Variants in ANKRD29 observed in about 807,000 individuals in gnomAD.
The protein encoded by ANKRD29 is ankyrin repeat domain 29.
In ANKRD29, 32 loss-of-function variants were observed where a neutral mutation model predicts 38.0. That is an observed-to-expected ratio of 0.84 (90% CI 0.64 to 1.13). The LOEUF is 1.13. ANKRD29 is among the 50% of genes most tolerant of loss of function. The pLI, the probability that ANKRD29 is intolerant of heterozygous loss-of-function variation, is 0.00. For synonymous variants in ANKRD29, 135 were observed against 152.4 expected, an observed-to-expected ratio of 0.89 and a Z score of 0.84; for missense variants, 357 against 377.9, an observed-to-expected ratio of 0.94 and a Z score of 0.46.
At position 23,601,329 on chromosome 18, in the gene ANKRD29, G is replaced by C; in HGVS notation, c.823-20C>G. 1 of 1,608,118 alleles carries C rather than the reference G, an allele frequency of 6.2e-7. No individual in the cohort carries two copies. Among genetic ancestry groups the C allele is most frequent in the East Asian group, 2.2e-5 (1 of 44,844 alleles). Reference sequence around the variant, plus strand: ...ATTGGCCTGAAAGAAGAGAAGATGGGCATTAGTGAATCCCCATAGCTGGTG... The same window carrying C: ...ATTGGCCTGAAAGAAGAGAAGATGGCCATTAGTGAATCCCCATAGCTGGTG... On this transcript the variant is annotated intron_variant, in intron 9 of 9. Coordinates refer to ENST00000592179, the MANE Select transcript of ANKRD29 (RefSeq NM_173505.4).
intron 6 of ANKRD29, 65 bp downstream of exon 6, chr18:23,629,788 C>T (rs2059906067): frequency 5.3e-6 from 7 of 1,331,804 alleles, no homozygotes; most frequent in Admixed American, 1.9e-5. Context: ...GTGCTGCCAG[C>T]GGACACCCAG....
At chr18:23,624,293 T>A (rs1048208153) in intron 6 of ANKRD29, among the ~76,000 whole-genome samples, 2 of 151,184 alleles carry the variant, frequency 1.3e-5, no homozygotes, top group South Asian at 2.1e-4. Flanking sequence ...ATGGCAAAAC[T>A]CTGTCTCAAC....
chr18:23,615,824 A>G (rs1488699244), intron 8 of ANKRD29, among the ~76,000 whole-genome samples: 1 of 151,086 alleles, frequency 6.6e-6, no homozygotes, highest in Non-Finnish European at 1.5e-5. Context: ...GGTAACAGTA[A>G]TATTCACTAA....
At chr18:23,625,839 T>G (rs370872260) in intron 6 of ANKRD29, among the ~76,000 whole-genome samples, 58 of 152,250 alleles carry the variant, frequency 3.8e-4, no homozygotes, top group Middle Eastern at 3.4e-3. Flanking sequence ...AAAATCTGGG[T>G]CTGCTCCCTA....
chr18:23,614,728 G>C (rs1198366385), intron 8 of ANKRD29, among the ~76,000 whole-genome samples: 1 of 151,744 alleles, frequency 6.6e-6, no homozygotes, highest in Admixed American at 6.6e-5. Context: ...ATTAGGGCAG[G>C]GGAGAGAGGC....
chr18:23,643,400 T>G (rs2060101930), intron 3 of ANKRD29, among the ~76,000 whole-genome samples: 1 of 152,210 alleles, frequency 6.6e-6, no homozygotes, highest in Non-Finnish European at 1.5e-5. Flanking sequence ...ATAGGAAAAC[T>G]CTCACCTTCT....
At chr18:23,603,606 CTGAG>C (rs893755565) in intron 9 of ANKRD29, among the ~76,000 whole-genome samples, 3 of 152,192 alleles carry the variant, frequency 2.0e-5, no homozygotes, top group African/African-American at 7.2e-5. Context: ...GCACTCCAGC[CTGAG>C]TGATAGTGAG....
intron 6 of ANKRD29, among the ~76,000 whole-genome samples, chr18:23,623,952 A>AT (rs1028473692): frequency 6.6e-6 from 1 of 151,800 alleles, no homozygotes; most frequent in African/African-American, 2.4e-5. Context: ...GATTTTATAT[A>AT]TTTTTTTAAA....
intron 8 of ANKRD29, among the ~76,000 whole-genome samples, chr18:23,612,898 G>A (rs1374853291): frequency 6.6e-6 from 1 of 152,116 alleles, no homozygotes; most frequent in Non-Finnish European, 1.5e-5. Flanking sequence ...AGAACAGTGG[G>A]CAGTCATAAG....
intron 9 of ANKRD29, among the ~76,000 whole-genome samples, chr18:23,609,740 G>A (rs1019816217): frequency 2.6e-5 from 4 of 152,136 alleles, no homozygotes; most frequent in African/African-American, 9.7e-5. Context: ...CTTAATTCAG[G>A]ACTGGATAGC....
chr18:23,600,261 T>C lies in ANKRD29; in HGVS notation c.*965A>G, dbSNP rs2059495750. On this transcript the variant is annotated 3_prime_UTR_variant, in exon 10 of 10. Coordinates refer to ENST00000592179, the MANE Select transcript of ANKRD29 (RefSeq NM_173505.4). ...AGTGCTAATAACAGTCTTTTATTAT[T>C]TATATTCCTGCAATAGTAATAGCAA... The C allele has an allele frequency of 6.6e-6, 1 of 152,314 alleles. No individual in the cohort carries two copies. Among genetic ancestry groups the C allele is most frequent in the Admixed American group, 6.5e-5 (1 of 15,276 alleles). The allele number at this position is 152,314 out of a possible 1,614,324, so 9.4% of individuals were successfully genotyped here.
rs151066474 is a variant in ANKRD29, at chr18:23,626,352, C to G, written c.528+3501G>C. On this transcript the variant is annotated intron_variant, in intron 6 of 9. Transcript: ENST00000592179. ...CTGACTAACCTCAGCTCTGGGTTAA[C>G]AGGATCAGACCTTTGCATTCTATTA... is the stretch of plus-strand genomic sequence containing the variant. 4.6e-5 allele frequency among the ~76,000 whole-genome samples: 7 copies of G among 152,324 alleles called. No individual in the cohort carries two copies. In the East Asian group the frequency reaches 1.3e-3, roughly 29 times the overall value.
chr18:23,616,956 T>G (rs1195347739), intron 8 of ANKRD29, among the ~76,000 whole-genome samples: 1 of 152,026 alleles, frequency 6.6e-6, no homozygotes, highest in Non-Finnish European at 1.5e-5. Context: ...GGGTGGCTCA[T>G]GCCAGTAATC....
intron 1 of ANKRD29, among the ~76,000 whole-genome samples, chr18:23,653,407 C>G: frequency 6.6e-6 from 1 of 152,032 alleles, no homozygotes; most frequent in Non-Finnish European, 1.5e-5. Flanking sequence ...CCTGCCACTA[C>G]GCCCGGCTAA....
chr18:23,601,906 C>T (rs1005202939), intron 9 of ANKRD29, among the ~76,000 whole-genome samples: 3 of 152,030 alleles, frequency 2.0e-5, no homozygotes, highest in African/African-American at 7.2e-5. Flanking sequence ...GATCCTTCTG[C>T]CTCAGCTTCC....
chr18:23,608,031 C>G (rs2059594616), intron 9 of ANKRD29, among the ~76,000 whole-genome samples: 1 of 152,232 alleles, frequency 6.6e-6, no homozygotes, highest in Non-Finnish European at 1.5e-5. Context: ...GTGTTCTGTA[C>G]TAGCTGAGAA....
intron 3 of ANKRD29, among the ~76,000 whole-genome samples, chr18:23,645,019 G>A (rs911132248): frequency 3.3e-5 from 5 of 152,102 alleles, no homozygotes; most frequent in Non-Finnish European, 7.4e-5. Context: ...TGAGATATAC[G>A]ATATACTGGC....
chr18:23,627,261 C>T (rs1371912809), intron 6 of ANKRD29, among the ~76,000 whole-genome samples: 1 of 152,170 alleles, frequency 6.6e-6, no homozygotes, highest in African/African-American at 2.4e-5. Flanking sequence ...AATTCCATTG[C>T]CTTTTTTCCC....
intron 9 of ANKRD29, chr18:23,609,310 A>C (rs2059611866): frequency 6.6e-6 from 1 of 152,060 alleles, no homozygotes; most frequent in Admixed American, 6.5e-5. Context: ...AGAAAACATT[A>C]AGAAAACCTA....
Sources: gnomAD v4.1 joint callset for allele counts (sites outside exome capture counted in the v4.1 genomes callset) on GRCh38, gnomAD v4.1.1 for gene constraint, MANE v1.5 for transcripts, NCBI Gene and HGNC (gene_info 2026-07-23, HGNC 2026-07-21) for gene names.